The following CAMK2D variants were observed in gnomAD, a reference collection of about 807,000 sequenced individuals.
CAMK2D encodes calcium/calmodulin dependent protein kinase II delta.
A neutral mutation model predicts 84.0 loss-of-function variants in CAMK2D; 37 were observed. The observed-to-expected ratio is 0.44, with a 90% CI of 0.34 to 0.58. The LOEUF (loss-of-function observed/expected upper bound fraction) is 0.58, where lower values mean the gene tolerates loss of function less well. CAMK2D is among the 20% of genes least tolerant of loss of function. The pLI is 0.02. For synonymous variants in CAMK2D, 202 were observed against 212.5 expected (o/e 0.95, Z 0.43); for missense variants, 448 against 652.5 (o/e 0.69, Z 3.41).
At chr4:113,470,417 G>C (rs2097533137) in intron 16 of CAMK2D, among the ~76,000 whole-genome samples, 2 of 152,084 alleles carry the variant, frequency 1.3e-5, no homozygotes, top group Admixed American at 6.5e-5. Context: ...AGGCCGAGGC[G>C]GGTGGATCAC....
intron 8 of CAMK2D, among the ~76,000 whole-genome samples, chr4:113,529,900 C>T (rs1421164332): frequency 6.6e-6 from 1 of 152,224 alleles, no homozygotes; most frequent in African/African-American, 2.4e-5. Flanking sequence ...AGGAGCAATG[C>T]TCCACATCCC....
chr4:113,681,860 T>C (rs1379857202), intron 2 of CAMK2D, among the ~76,000 whole-genome samples: 1 of 151,870 alleles, frequency 6.6e-6, no homozygotes, highest in Non-Finnish European at 1.5e-5. Flanking sequence ...CAGTAACATA[T>C]TCAATTAAAA....
chr4:113,695,567 A>G (rs1318749837), intron 2 of CAMK2D, among the ~76,000 whole-genome samples: 1 of 151,822 alleles, frequency 6.6e-6, no homozygotes, highest in Non-Finnish European at 1.5e-5. Context: ...CTTTGAGGCA[A>G]TTCATTCCCT....
intron 2 of CAMK2D, among the ~76,000 whole-genome samples, chr4:113,707,517 T>A (rs937614364): frequency 7.2e-5 from 11 of 152,294 alleles, no homozygotes; most frequent in African/African-American, 2.6e-4. Context: ...AGGAAAATTG[T>A]GGAATCTTTT....
intron 3 of CAMK2D, among the ~76,000 whole-genome samples, chr4:113,659,336 C>T (rs1301000748): frequency 1.3e-5 from 2 of 152,178 alleles, no homozygotes; most frequent in Non-Finnish European, 2.9e-5. Flanking sequence ...TGGTTCATTG[C>T]GTAATTTCTC....
chr4:113,647,096 G>C (rs978334429), intron 3 of CAMK2D, among the ~76,000 whole-genome samples: 1 of 152,162 alleles, frequency 6.6e-6, no homozygotes, highest in Non-Finnish European at 1.5e-5. Context: ...TTGGGGAAAA[G>C]ACCCGTCAAA....
At chr4:113,510,190 T>C (rs1370856874) in intron 12 of CAMK2D, among the ~76,000 whole-genome samples, 1 of 152,202 alleles carries the variant, frequency 6.6e-6, no homozygotes, top group Non-Finnish European at 1.5e-5. Flanking sequence ...AGTCAGACAA[T>C]TTGGTTTTAC....
intron 17 of CAMK2D, among the ~76,000 whole-genome samples, chr4:113,462,294 GTCTGTCTGTCTGTCTGTCTGTC>G (rs199613816): frequency 1.2e-3 from 149 of 129,326 alleles, no homozygotes; most frequent in African/African-American, 3.3e-3. Context: ...GTGTGTGTGT[GTCTGTCTGTCTGTCTGTCTGTC>G]TGTCTGTCTG....
intron 2 of CAMK2D, among the ~76,000 whole-genome samples, chr4:113,713,701 T>C (rs1319155738): frequency 2.0e-5 from 3 of 151,470 alleles, no homozygotes; most frequent in African/African-American, 2.4e-5. Context: ...TCTTATGTGA[T>C]AGTTCTTATC....
chr4:113,538,335 C>T (rs1404430826), intron 6 of CAMK2D, among the ~76,000 whole-genome samples: 3 of 152,142 alleles, frequency 2.0e-5, no homozygotes, highest in African/African-American at 7.2e-5. Context: ...GAACAGTCTT[C>T]AATTTCCATG....
At chr4:113,760,783 G>A (rs189209008) in intron 1 of CAMK2D, among the ~76,000 whole-genome samples, 5 of 152,058 alleles carry the variant, frequency 3.3e-5, no homozygotes, top group African/African-American at 1.2e-4. Context: ...GGTGGGCTAG[G>A]GACCATCAAA....
intron 10 of CAMK2D, among the ~76,000 whole-genome samples, chr4:113,514,555 G>A (rs1012234387): frequency 2.6e-5 from 4 of 152,054 alleles, no homozygotes; most frequent in African/African-American, 9.7e-5. Flanking sequence ...CTTAGCATTT[G>A]ACACATTTGG....
At position 113,491,959 on chromosome 4, in the gene CAMK2D, T is replaced by TTTC. The variant is rs1412489897; in HGVS notation, c.1135+8501_1135+8503dup. Among the ~76,000 whole-genome samples the TTTC allele has an allele frequency of 1.7e-4, 26 of 150,196 alleles. No individual in the cohort carries two copies. The East Asian group carries it at 4.8e-3, about 28-fold the overall frequency. On this transcript the variant is annotated intron_variant, in intron 16 of 20. Transcript: ENST00000511664. ...TGTTTGTAGTATTCTCTGATGGTAG[T>TTTC]TTCTATTTCTGTGGGATCGGTGGTG...
chr4:113,744,137 G>A (rs2099599118), intron 2 of CAMK2D, among the ~76,000 whole-genome samples: 1 of 152,120 alleles, frequency 6.6e-6, no homozygotes, highest in Non-Finnish European at 1.5e-5. Flanking sequence ...ACCACACCCA[G>A]CCCCCTATTT....
rs2098016569 is a variant in CAMK2D at position 113,500,281 on chromosome 4, AAAGT to A, written c.1135+178_1135+181del. ...AAAAGAATATGTAGGAAAAATGACA[AAAGT>A]AACATATTGTTGAAATAATTATGTA... On this transcript the variant is annotated intron_variant, in intron 16 of 20. Transcript: ENST00000511664. 2.6e-5 allele frequency among the ~76,000 whole-genome samples: 4 copies of A among 152,266 alleles called. No individual in the cohort carries two copies. In the South Asian group the frequency reaches 8.3e-4, roughly 32 times the overall value.
At chr4:113,670,308 T>C (rs553743896) in intron 2 of CAMK2D, among the ~76,000 whole-genome samples, 2 of 151,058 alleles carry the variant, frequency 1.3e-5, no homozygotes, top group African/African-American at 2.4e-5. Context: ...AACAAACAAA[T>C]AAATAAATAA....
intron 16 of CAMK2D, among the ~76,000 whole-genome samples, chr4:113,472,155 T>G (rs2097554641): frequency 6.6e-6 from 1 of 152,230 alleles, no homozygotes; most frequent in Admixed American, 6.5e-5. Flanking sequence ...GGGATGTTCA[T>G]ATATCTAACT....
Position 113,608,380 on chromosome 4 carries a change from T to G in CAMK2D, c.275+772A>C, listed in dbSNP as rs2098986536. On this transcript the variant is annotated intron_variant, in intron 4 of 20. Coordinates refer to ENST00000511664, the MANE Select transcript of CAMK2D (RefSeq NM_001321571.2). The stretch of plus-strand genomic sequence containing the variant: ...AGTCCATTATATGAATATACTATAA[T>G]TATGTAGCTATTTCTCTATAATTGG... Among the ~76,000 whole-genome samples, 4 of 152,216 alleles carry G rather than the reference T, an allele frequency of 2.6e-5. No homozygotes were observed. In the South Asian group the frequency reaches 8.3e-4, roughly 31 times the overall value.
At chr4:113,691,751 AAAAAATAAAAAT>A (rs528809400) in intron 2 of CAMK2D, among the ~76,000 whole-genome samples, 2 of 152,002 alleles carry the variant, frequency 1.3e-5, no homozygotes, top group African/African-American at 4.8e-5. Flanking sequence ...ACTCCATCTC[AAAAAATAAAAAT>A]AAAAATAAAA....
Sources: gnomAD v4.1 joint callset for allele counts (sites outside exome capture counted in the v4.1 genomes callset) on GRCh38, gnomAD v4.1.1 for gene constraint, MANE v1.5 for transcripts, NCBI Gene and HGNC (gene_info 2026-07-23, HGNC 2026-07-21) for gene names.